The following SYT1 variants were observed in gnomAD, a reference collection of about 807,000 sequenced individuals.
The protein encoded by SYT1 is synaptotagmin 1.
SYT1 carries 8 observed loss-of-function variants against 44.8 expected under a neutral mutation model. The ratio of observed to expected loss-of-function variants is 0.18; its 90% confidence interval spans 0.10 to 0.32. SYT1 has a LOEUF of 0.32. SYT1 is among the 10% of genes least tolerant of loss of function. SYT1 has a pLI of 1.00. For synonymous variants in SYT1, 154 were observed against 188.8 expected (o/e 0.82, Z 1.51); for missense variants, 286 against 509.3 (o/e 0.56, Z 4.22).
intron 3 of SYT1, among the ~76,000 whole-genome samples, chr12:79,200,278 G>A (rs1319461113): frequency 1.3e-5 from 2 of 152,120 alleles, no homozygotes; most frequent in Non-Finnish European, 2.9e-5. Context: ...GCTGCAGAGA[G>A]AGGAGCCATT....
chr12:79,308,641 AAAG>A (rs1880595866), intron 8 of SYT1, among the ~76,000 whole-genome samples: 1 of 149,238 alleles, frequency 6.7e-6, no homozygotes, highest in African/African-American at 2.5e-5. Context: ...AGAAAGAAAG[AAAG>A]AAAGAAAGAA....
rs562271383 is a variant in SYT1 at position 79,338,586 on chromosome 12, CTTTT to C, written c.811-14909_811-14906del. On this transcript the variant is annotated intron_variant, in intron 8 of 10. Transcript: ENST00000261205. Reference sequence around the variant, plus strand: ...CCACACCTGACCAACTAAAATTTCTCTTTTTTTTTTCTTCAATCCCTCCCTGCCT... The same window carrying C: ...CCACACCTGACCAACTAAAATTTCTCTTTTTTCTTCAATCCCTCCCTGCCT... 6.1e-3 allele frequency among the ~76,000 whole-genome samples: 914 copies of C among 149,196 alleles called. 7 individuals are homozygous for C. The highest frequency in any genetic ancestry group is 0.038 in the South Asian group (176 of 4,636).
intron 3 of SYT1, among the ~76,000 whole-genome samples, chr12:79,069,671 G>A (rs1422840379): frequency 3.9e-5 from 6 of 151,934 alleles, no homozygotes; most frequent in Non-Finnish European, 7.4e-5. Flanking sequence ...AAAAATACTC[G>A]TGTGTTTACA....
chr12:79,325,910 T>C (rs1881588706), intron 8 of SYT1, among the ~76,000 whole-genome samples: 1 of 152,216 alleles, frequency 6.6e-6, no homozygotes, highest in Non-Finnish European at 1.5e-5. Flanking sequence ...CTTTCCTCTT[T>C]TCCTTCTTCC....
chr12:79,141,854 G>T lies in SYT1; in HGVS notation c.-17-75649G>T, dbSNP rs948058408. On this transcript the variant is annotated intron_variant, in intron 3 of 10. Transcript: ENST00000261205. ...CGTCATAGGGCCATAAGGACACCTTGCCTTCAGATGCATAATTCATTAGGT... is the reference window on the plus strand; with the variant it reads ...CGTCATAGGGCCATAAGGACACCTTTCCTTCAGATGCATAATTCATTAGGT... Among the ~76,000 whole-genome samples, 10 of 152,256 alleles carry T rather than the reference G, an allele frequency of 6.6e-5. No homozygotes were observed. In the East Asian group the frequency reaches 1.2e-3, roughly 18 times the overall value.
intron 3 of SYT1, among the ~76,000 whole-genome samples, chr12:79,179,225 TATAG>T (rs1460148677): frequency 2.5e-5 from 1 of 40,504 alleles, no homozygotes; most frequent in African/African-American, 1.7e-4. Flanking sequence ...GATATATAGA[TATAG>T]ATATAGATAT....
At chr12:78,907,565 G>A (rs1199220516) in intron 1 of SYT1, among the ~76,000 whole-genome samples, 5 of 151,886 alleles carry the variant, frequency 3.3e-5, no homozygotes, top group Admixed American at 6.6e-5. Flanking sequence ...GATTTACATC[G>A]TCAAAGCAGT....
chr12:78,980,605 A>G (rs1869177430), intron 2 of SYT1, among the ~76,000 whole-genome samples: 3 of 152,164 alleles, frequency 2.0e-5, no homozygotes, highest in Admixed American at 6.6e-5. Context: ...CTTATTTTCA[A>G]ATATAAAGAA....
intron 9 of SYT1, among the ~76,000 whole-genome samples, chr12:79,382,820 T>C (rs144336949): frequency 1.3e-5 from 2 of 152,312 alleles, no homozygotes; most frequent in African/African-American, 4.8e-5. Context: ...TATAAAAATA[T>C]AGTGCAGTCC....
intron 4 of SYT1, among the ~76,000 whole-genome samples, chr12:79,263,431 CATTTA>C (rs1157951110): frequency 6.6e-6 from 1 of 152,060 alleles, no homozygotes; most frequent in Non-Finnish European, 1.5e-5. Context: ...TATATTCTTT[CATTTA>C]AAAGTATTAA....
intron 1 of SYT1, among the ~76,000 whole-genome samples, chr12:78,890,700 C>A (rs373077759): frequency 1.3e-5 from 2 of 151,772 alleles, no homozygotes; most frequent in Non-Finnish European, 2.9e-5. Flanking sequence ...TCATCTTTCC[C>A]AAAATGGACT....
intron 2 of SYT1, among the ~76,000 whole-genome samples, chr12:79,008,758 T>C (rs61928973): frequency 0.049 from 7,469 of 152,132 alleles, 295 homozygotes; most frequent in African/African-American, 0.11. Context: ...CTCCCTTTGC[T>C]TATTCCTGCT....
chr12:79,128,145 A>C lies in SYT1; in HGVS notation c.-18+80783A>C, dbSNP rs368397282. ...GAGTGGCTCACACCTATAATCCCAGAACTTTGGGAGGCCAAGACGGGGAGG... is the reference window on the plus strand; with the variant it reads ...GAGTGGCTCACACCTATAATCCCAGCACTTTGGGAGGCCAAGACGGGGAGG... On this transcript the variant is annotated intron_variant, in intron 3 of 10. Transcript: ENST00000261205. Among the ~76,000 whole-genome samples, 9 of 152,236 alleles carry C rather than the reference A, an allele frequency of 5.9e-5. 1 individual carries two copies. The highest frequency in any genetic ancestry group is 3.9e-4 in the East Asian group (2 of 5,176).
At chr12:79,367,149 C>T (rs1261411385) in intron 9 of SYT1, among the ~76,000 whole-genome samples, 1 of 152,022 alleles carries the variant, frequency 6.6e-6, no homozygotes, top group African/African-American at 2.4e-5. Flanking sequence ...GTTAAGACAC[C>T]GAGTTGTCTT....
chr12:79,324,723 A>G (rs1881530961), intron 8 of SYT1, among the ~76,000 whole-genome samples: 1 of 152,090 alleles, frequency 6.6e-6, no homozygotes, highest in Admixed American at 6.6e-5. Context: ...GGAAACTGAG[A>G]CATTTGGAAA....
At chr12:79,193,770 A>G (rs1162093389) in intron 3 of SYT1, among the ~76,000 whole-genome samples, 1 of 152,176 alleles carries the variant, frequency 6.6e-6, no homozygotes, top group Admixed American at 6.5e-5. Context: ...TGTTCAATAC[A>G]TGAAAAATGG....
chr12:79,299,232 G>A (rs960469864), intron 7 of SYT1, 152 bp from the exon 8 acceptor site: 4 of 804,034 alleles, frequency 5.0e-6, no homozygotes, highest in Non-Finnish European at 5.7e-6. Context: ...CAAGCAGTTT[G>A]TCAAAAGTCT....
chr12:79,017,755 A>G (rs1051241104), intron 2 of SYT1, among the ~76,000 whole-genome samples: 5 of 152,058 alleles, frequency 3.3e-5, no homozygotes, highest in African/African-American at 1.2e-4. Context: ...TTGACCAGAA[A>G]ATTGACATGA....
chr12:79,015,272 G>A (rs1285119367), intron 2 of SYT1, among the ~76,000 whole-genome samples: 1 of 152,004 alleles, frequency 6.6e-6, no homozygotes, highest in Non-Finnish European at 1.5e-5. Flanking sequence ...TTAAATGTAA[G>A]TTAAAAGTTT....
Sources: allele counts gnomAD v4.1 joint callset (sites outside exome capture counted in the v4.1 genomes callset), GRCh38; gene constraint gnomAD v4.1.1; transcripts MANE v1.5; gene names NCBI Gene and HGNC (gene_info 2026-07-23, HGNC 2026-07-21).